Variants in NELL2 observed in about 807,000 individuals in gnomAD.
NELL2 encodes protein kinase C-binding protein NELL2.
NELL2 carries 41 observed loss-of-function variants against 109.6 expected under a neutral mutation model. The observed-to-expected ratio is 0.37, with a 90% CI of 0.29 to 0.49. The LOEUF is 0.49. Among genes scored for constraint, NELL2 ranks in the 20% least tolerant of loss-of-function variants. NELL2 has a pLI of 0.98. For synonymous variants in NELL2, 355 were observed against 344.7 expected (o/e 1.03, Z -0.33); for missense variants, 900 against 1,008.3 (o/e 0.89, Z 1.45).
rs756124036 is a variant in NELL2 at position 44,774,738 on chromosome 12, T to C, written c.994+9A>G. 3 of 1,602,552 alleles carry C rather than the reference T, an allele frequency of 1.9e-6. No homozygotes were observed. The highest frequency in any genetic ancestry group is 2.6e-6 in the Non-Finnish European group (3 of 1,169,470). ...CAAAGAAAGTATTCATCATAAAAGTTATGCTCACATTTGCATTCCTTACAG... is the reference window on the plus strand; with the variant it reads ...CAAAGAAAGTATTCATCATAAAAGTCATGCTCACATTTGCATTCCTTACAG... On this transcript the variant is annotated intron_variant, in intron 9 of 19. Coordinates refer to ENST00000429094, the MANE Select transcript of NELL2 (RefSeq NM_001145108.2).
intron 15 of NELL2, among the ~76,000 whole-genome samples, chr12:44,582,609 C>G (rs1944362276): frequency 1.3e-5 from 2 of 151,088 alleles, no homozygotes; most frequent in African/African-American, 4.9e-5. Flanking sequence ...AGGTAGAATG[C>G]TTTAAAGTGA....
chr12:44,556,928 TGA>T (rs1943280488), intron 15 of NELL2, among the ~76,000 whole-genome samples: 2 of 151,948 alleles, frequency 1.3e-5, no homozygotes, highest in Admixed American at 1.3e-4. Flanking sequence ...AGAGACAAGG[TGA>T]ATATATAGGT....
intron 12 of NELL2, among the ~76,000 whole-genome samples, chr12:44,674,519 C>T (rs932310033): frequency 6.6e-6 from 1 of 151,954 alleles, no homozygotes; most frequent in South Asian, 2.1e-4. Context: ...TGTTCAGGAA[C>T]AATAAATAAT....
chr12:44,513,454 G>A (rs1178117305), intron 19 of NELL2, among the ~76,000 whole-genome samples: 4 of 151,958 alleles, frequency 2.6e-5, no homozygotes, highest in South Asian at 2.1e-4. Flanking sequence ...AAAATGACTC[G>A]AAGATGATCC....
chr12:44,703,110 T>C (rs56989457), intron 12 of NELL2, among the ~76,000 whole-genome samples: 9,447 of 152,256 alleles, frequency 0.062, 969 homozygotes, highest in African/African-American at 0.21. Flanking sequence ...CCACATCTCA[T>C]GGACTTCGTC....
At chr12:44,686,288 G>A (rs1250448031) in intron 12 of NELL2, among the ~76,000 whole-genome samples, 1 of 152,066 alleles carries the variant, frequency 6.6e-6, no homozygotes, top group Admixed American at 6.6e-5. Context: ...GCACTTCTCT[G>A]TATTGGTTAT....
intron 9 of NELL2, among the ~76,000 whole-genome samples, chr12:44,752,720 T>C (rs1029329104): frequency 8.5e-5 from 13 of 152,176 alleles, no homozygotes; most frequent in African/African-American, 3.1e-4. Flanking sequence ...GACTGCATCC[T>C]TGTCTCCTGA....
chr12:44,782,570 A>G (rs913306371), intron 3 of NELL2, among the ~76,000 whole-genome samples: 1 of 151,938 alleles, frequency 6.6e-6, no homozygotes, highest in African/African-American at 2.4e-5. Flanking sequence ...TATTGAAACT[A>G]TTAATCAAAG....
intron 1 of NELL2, among the ~76,000 whole-genome samples, chr12:44,887,266 C>T (rs1184733878): frequency 1.3e-5 from 2 of 151,976 alleles, no homozygotes; most frequent in Non-Finnish European, 2.9e-5. Context: ...AACTTCCTGC[C>T]TCGGCCTTCC....
At chr12:44,536,207 A>C (rs2139018634) in intron 15 of NELL2, among the ~76,000 whole-genome samples, 1 of 152,094 alleles carries the variant, frequency 6.6e-6, no homozygotes, top group East Asian at 1.9e-4. Context: ...AAGTGATTTG[A>C]TGGTATGCAT....
chr12:44,644,649 T>TATATACAC (rs143698562), intron 13 of NELL2, among the ~76,000 whole-genome samples: 2 of 129,488 alleles, frequency 1.5e-5, no homozygotes, highest in African/African-American at 5.6e-5. Context: ...TATATATATA[T>TATATACAC]ACACACACAC....
At chr12:44,683,814 G>C (rs1184600056) in intron 12 of NELL2, among the ~76,000 whole-genome samples, 15 of 152,216 alleles carry the variant, frequency 9.9e-5, no homozygotes, top group Non-Finnish European at 1.8e-4. Flanking sequence ...CTGCTGGATT[G>C]GGTTTGCCAG....
chr12:44,617,638 G>A (rs1566026543), intron 13 of NELL2, among the ~76,000 whole-genome samples: 1 of 86,878 alleles, frequency 1.2e-5, no homozygotes, highest in South Asian at 3.0e-4. Flanking sequence ...CTTGCAGTGA[G>A]CCGAGATCCC....
intron 12 of NELL2, among the ~76,000 whole-genome samples, chr12:44,683,736 A>T (rs951026877): frequency 1.3e-5 from 2 of 152,204 alleles, no homozygotes; most frequent in African/African-American, 4.8e-5. Context: ...TGATTTGCGT[A>T]TGTTGAAACA....
At chr12:44,858,905 C>T (rs1352977241) in intron 2 of NELL2, among the ~76,000 whole-genome samples, 2 of 152,134 alleles carry the variant, frequency 1.3e-5, no homozygotes, top group Non-Finnish European at 2.9e-5. Context: ...AATGATTTCA[C>T]ATTCAAGGAT....
chr12:44,852,566 A>G (rs1944564022), intron 2 of NELL2, among the ~76,000 whole-genome samples: 1 of 152,218 alleles, frequency 6.6e-6, no homozygotes, highest in South Asian at 2.1e-4. Flanking sequence ...CTGTGTAATT[A>G]ACATCAGTCC....
rs1338029291 is a variant in NELL2, at chr12:44,875,300, C to T, written c.109G>A (p.Glu37Lys). Residue 37 changes from glutamate to lysine, a missense_variant, in exon 2 of 20, where the codon GAA becomes AAA. Transcript: ENST00000429094. ...ACTCCGGTCGTGGACTCCCCAAGTT[C>T]TAACTCTGTTAAGACGTCAATCTGT... ...SLQIDVLTEL[E>K]LGESTTGVRQ... 3.7e-6 allele frequency: 6 copies of T among 1,614,072 alleles called. No homozygotes were observed. Among genetic ancestry groups the T allele is most frequent in the Non-Finnish European group, 5.1e-6 (6 of 1,180,038 alleles).
chr12:44,642,855 C>T (rs1050401030), intron 13 of NELL2, among the ~76,000 whole-genome samples: 2 of 152,166 alleles, frequency 1.3e-5, no homozygotes, highest in Non-Finnish European at 2.9e-5. Flanking sequence ...GCACTTCAGT[C>T]TGGGAGACAG....
At chr12:44,906,971 A>G (rs1945726005) in intron 1 of NELL2, among the ~76,000 whole-genome samples, 1 of 151,992 alleles carries the variant, frequency 6.6e-6, no homozygotes, top group Admixed American at 6.6e-5. Flanking sequence ...CCTGGGAGGG[A>G]CCCGGTGGGA....
Sources: gnomAD v4.1 joint callset for allele counts (sites outside exome capture counted in the v4.1 genomes callset) on GRCh38, gnomAD v4.1.1 for gene constraint, MANE v1.5 for transcripts, NCBI Gene and HGNC (gene_info 2026-07-23, HGNC 2026-07-21) for gene names.